Variants in GBF1 observed in about 807,000 individuals in gnomAD.
GBF1 encodes the protein golgi brefeldin A resistant guanine nucleotide exchange factor 1, also known as Golgi-specific brefeldin A-resistance guanine nucleotide exchange factor 1.
A neutral mutation model predicts 210.5 loss-of-function variants in GBF1; 114 were observed. The observed-to-expected ratio is 0.54, with a 90% CI of 0.47 to 0.63. GBF1 has a LOEUF of 0.63. Among genes scored for constraint, GBF1 ranks in the 30% least tolerant of loss-of-function variants. The pLI is 0.00. For missense variants in GBF1, 1,851 were observed against 2,357.7 expected (o/e 0.79, Z 4.45); for synonymous variants, 850 against 889.2 (o/e 0.96, Z 0.78).
intron 8 of GBF1, 89 bp downstream of exon 8, chr10:102,353,743 AT>A: frequency 1.1e-6 from 1 of 914,576 alleles, no homozygotes; most frequent in South Asian, 1.3e-5. Context: ...TAGCAAAGAT[AT>A]GCTTTTGCCT....
At chr10:102,346,276 C>A (rs1276378059) in intron 4 of GBF1, among the ~76,000 whole-genome samples, 1 of 152,036 alleles carries the variant, frequency 6.6e-6, no homozygotes, top group East Asian at 1.9e-4. Context: ...CCACCATGCC[C>A]GGCCCCTTAT....
At chr10:102,331,775 G>A (rs1297381707) in intron 3 of GBF1, among the ~76,000 whole-genome samples, 1 of 151,648 alleles carries the variant, frequency 6.6e-6, no homozygotes, top group Non-Finnish European at 1.5e-5. Flanking sequence ...TGACATCCCT[G>A]GGCTCAAGTG....
chr10:102,288,658 C>G (rs2133600347), intron 3 of GBF1, among the ~76,000 whole-genome samples: 1 of 149,608 alleles, frequency 6.7e-6, no homozygotes, highest in South Asian at 2.1e-4. Flanking sequence ...TTGCAGTGAG[C>G]CGAGATTGCG....
chr10:102,351,990 G>A (rs2059012544), intron 6 of GBF1, 39 bp downstream of exon 6: 7 of 1,098,684 alleles, frequency 6.4e-6, no homozygotes, highest in African/African-American at 3.1e-5. Context: ...CATTCCTGGG[G>A]CCAGTGTCTG....
intron 3 of GBF1, among the ~76,000 whole-genome samples, chr10:102,283,041 A>G (rs2075639099): frequency 6.6e-6 from 1 of 152,214 alleles, no homozygotes. Context: ...GGTGGAAACT[A>G]TTGAGGTACA....
chr10:102,337,410 A>G (rs1475417151), intron 3 of GBF1, among the ~76,000 whole-genome samples: 2 of 151,618 alleles, frequency 1.3e-5, no homozygotes, highest in Non-Finnish European at 2.9e-5. Context: ...GTGGATTGAC[A>G]TAAAGAAGAA....
intron 1 of GBF1, among the ~76,000 whole-genome samples, chr10:102,254,730 AT>A (rs1055085726): frequency 6.6e-6 from 1 of 151,918 alleles, no homozygotes; most frequent in African/African-American, 2.4e-5. Flanking sequence ...TCTCTTATTT[AT>A]TTTTTTCTAT....
Position 102,376,448 on chromosome 10 carries a change from G to A in GBF1, c.4047+16G>A. The A allele has an allele frequency of 1.2e-6, 2 of 1,613,818 alleles. No homozygotes were observed. Among genetic ancestry groups the A allele is most frequent in the Non-Finnish European group, 1.7e-6 (2 of 1,179,728 alleles). ...TTGGTTAGTGGTGAGTGACAATATG[G>A]GCAGCAATTGAGTCTCTCCTGCTTG... On this transcript the variant is annotated intron_variant, in intron 31 of 39. Transcript: ENST00000369983.
At chr10:102,259,966 TAGAA>T (rs2072975504) in intron 2 of GBF1, 80 bp from the exon 3 acceptor site, 7 of 738,538 alleles carry the variant, frequency 9.5e-6, no homozygotes, top group African/African-American at 1.8e-5. Context: ...ATTGGATTCA[TAGAA>T]AGAGCCCTTG....
intron 6 of GBF1, among the ~76,000 whole-genome samples, 164 bp from the exon 7 acceptor site, chr10:102,352,294 G>T (rs989856750): frequency 6.6e-5 from 10 of 152,132 alleles, no homozygotes; most frequent in Non-Finnish European, 1.2e-4. Flanking sequence ...GTGCCACCTA[G>T]TGGGCCAGTG....
At chr10:102,345,374 C>T in intron 4 of GBF1, among the ~76,000 whole-genome samples, 1 of 150,656 alleles carries the variant, frequency 6.6e-6, no homozygotes, top group Non-Finnish European at 1.5e-5. Context: ...TTAACTTGAC[C>T]AGGCACAGTG....
intron 29 of GBF1, among the ~76,000 whole-genome samples, chr10:102,374,118 G>A (rs997269550): frequency 5.9e-5 from 9 of 152,216 alleles, no homozygotes; most frequent in African/African-American, 2.2e-4. Context: ...GGGAAACTGA[G>A]GCTGGTGAAT....
At chr10:102,235,166 T>TCCCCCAC in the GBF1 span, among the ~76,000 whole-genome samples, 1 of 59,034 alleles carries the variant, frequency 1.7e-5, no homozygotes, top group Non-Finnish European at 3.2e-5. Context: ...TTATTACCCT[T>TCCCCCAC]CCCCCACCCC....
intron 3 of GBF1, among the ~76,000 whole-genome samples, chr10:102,262,870 G>A (rs147293352): frequency 1.2e-3 from 178 of 152,256 alleles, no homozygotes; most frequent in Non-Finnish European, 2.3e-3. Flanking sequence ...AGTAAAACCA[G>A]AGTGTGTTCA....
At chr10:102,295,409 A>G (rs1174041963) in intron 3 of GBF1, among the ~76,000 whole-genome samples, 1 of 152,254 alleles carries the variant, frequency 6.6e-6, no homozygotes, top group Admixed American at 6.5e-5. Context: ...ACAACAAACT[A>G]TCTTTAAAAG....
At chr10:102,278,745 G>C (rs1006129997) in intron 3 of GBF1, among the ~76,000 whole-genome samples, 8 of 152,068 alleles carry the variant, frequency 5.3e-5, no homozygotes, top group African/African-American at 1.9e-4. Context: ...GGGTTTGTCT[G>C]ATGTTTTCTT....
chr10:102,294,148 A>G (rs2076715544), intron 3 of GBF1, among the ~76,000 whole-genome samples: 1 of 152,048 alleles, frequency 6.6e-6, no homozygotes, highest in Non-Finnish European at 1.5e-5. Context: ...AAAAGTTATA[A>G]GGTAAATTAT....
Position 102,363,814 on chromosome 10 carries a change from C to T in GBF1, c.2106+16C>T, listed in dbSNP as rs747130659. 7 of 1,437,790 alleles carry T rather than the reference C, an allele frequency of 4.9e-6. No individual in the cohort carries two copies. The highest frequency in any genetic ancestry group is 6.9e-6 in the Non-Finnish European group (7 of 1,019,738). 89.1% of individuals were successfully genotyped at this position (1,437,790 alleles called of 1,614,324 possible). ...CAAAAAGAAGGTACATACATGTATT[C>T]CCCAGCCTCTGTCCACCTCTGTCTG... On this transcript the variant is annotated intron_variant, in intron 17 of 39. Transcript: ENST00000369983. The surrounding 1 kb of genome is among the most constrained non-coding windows in gnomAD (Gnocchi z 4.2).
At chr10:102,272,275 T>G (rs2074514432) in intron 3 of GBF1, among the ~76,000 whole-genome samples, 1 of 152,172 alleles carries the variant, frequency 6.6e-6, no homozygotes, top group Non-Finnish European at 1.5e-5. Context: ...TGGCTAATTT[T>G]TGTATTGTTA....
Sources: gnomAD v4.1 joint callset for allele counts (sites outside exome capture counted in the v4.1 genomes callset) on GRCh38, gnomAD v4.1.1 for gene constraint, Gnocchi (gnomAD v3.1) non-coding constraint, MANE v1.5 for transcripts, NCBI Gene and HGNC (gene_info 2026-07-23, HGNC 2026-07-21) for gene names.